Variants in CFAP61 observed in about 807,000 individuals in gnomAD.
The protein encoded by CFAP61 is cilia and flagella associated protein 61.
CFAP61 carries 107 observed loss-of-function variants against 135.6 expected under a neutral mutation model. That is an observed-to-expected ratio of 0.79 (90% CI 0.67 to 0.93). The LOEUF (loss-of-function observed/expected upper bound fraction) is 0.93, where lower values mean the gene tolerates loss of function less well. CFAP61 is among the 40% of genes least tolerant of loss of function. CFAP61 has a pLI of 0.00. For synonymous variants in CFAP61, 575 were observed against 578.5 expected, an observed-to-expected ratio of 0.99 and a Z score of 0.09; for missense variants, 1,507 against 1,556.2, an observed-to-expected ratio of 0.97 and a Z score of 0.53.
Position 20,200,032 on chromosome 20 carries a change from A to G in CFAP61, c.1932+130A>G, listed in dbSNP as rs910214656. On this transcript the variant is annotated intron_variant, in intron 17 of 26. Coordinates refer to ENST00000245957, the MANE Select transcript of CFAP61 (RefSeq NM_015585.4). ...CAGGGAACCTGGTGCTCATACCCTT[A>G]CAGGCGGAGCCCCGCGAAGGCTCCC... 21 of 1,104,396 alleles carry G rather than the reference A, an allele frequency of 1.9e-5. No individual in the cohort carries two copies. In the African/African-American group the frequency reaches 3.3e-4, roughly 17 times the overall value. The allele number at this position is 1,104,396 out of a possible 1,614,324, so 68.4% of individuals were successfully genotyped here. A position where few individuals can be genotyped will look rare whatever the true frequency, so the allele number is the denominator to read the frequency against.
intron 6 of CFAP61, 102 bp from the exon 7 acceptor site, chr20:20,090,742 C>A: frequency 2.7e-5 from 27 of 1,015,298 alleles, no homozygotes; most frequent in Non-Finnish European, 3.7e-5. Flanking sequence ...GAGTGTTGCT[C>A]TAGCCCCGGC....
At chr20:20,112,428 T>C (rs554339374) in intron 8 of CFAP61, among the ~76,000 whole-genome samples, 14 of 152,306 alleles carry the variant, frequency 9.2e-5, no homozygotes, top group African/African-American at 3.1e-4. Flanking sequence ...TTTCAACATA[T>C]CTAATTTTAT....
chr20:20,355,356 T>A (rs1200392517), intron 26 of CFAP61, among the ~76,000 whole-genome samples: 1 of 67,640 alleles, frequency 1.5e-5, no homozygotes, highest in African/African-American at 6.3e-5. Context: ...TGAGGGGAGG[T>A]GGTCACACTG....
Position 20,342,739 on chromosome 20 carries a change from C to T in CFAP61, c.3513+818C>T, listed in dbSNP as rs1235446997. On this transcript the variant is annotated intron_variant, in intron 26 of 26. Transcript: ENST00000245957. ...GGGAGCGCGCACCCTGTTCCCAGTG[C>T]GTGCCCCACTTAATCACAGCTCTTG... Among the ~76,000 whole-genome samples, 5 of 152,230 alleles carry T rather than the reference C, an allele frequency of 3.3e-5. No individual in the cohort carries two copies. In the East Asian group the frequency reaches 7.7e-4, roughly 23 times the overall value.
chr20:20,221,302 C>G (rs1022807979), intron 17 of CFAP61: 1 of 152,156 alleles, frequency 6.6e-6, no homozygotes, highest in Non-Finnish European at 1.5e-5. Context: ...CTCAGAGAAG[C>G]CAACAGTGGA....
chr20:20,256,996 GATAA>G (rs1024042051), intron 20 of CFAP61, among the ~76,000 whole-genome samples: 3 of 152,116 alleles, frequency 2.0e-5, no homozygotes, highest in African/African-American at 7.2e-5. Flanking sequence ...CATTGAGGAT[GATAA>G]ATAGTTTCTC....
In CFAP61 at chr20:20,263,098, T is replaced by C. The variant is rs1457471420; in HGVS notation, c.2471T>C (p.Ile824Thr). 1 of 1,614,054 alleles carries C rather than the reference T, an allele frequency of 6.2e-7. No homozygotes were observed. Among genetic ancestry groups the C allele is most frequent in the South Asian group, 1.1e-5 (1 of 91,064 alleles). Residue 824 changes from isoleucine to threonine, a missense_variant, in exon 21 of 27, where the codon ATT becomes ACT. Ile to Thr is a moderately conservative substitution (Grantham distance 89, BLOSUM62 -1). Coordinates refer to ENST00000245957, the MANE Select transcript of CFAP61 (RefSeq NM_015585.4). ...GAAGAGGATTGCTTTAAGGCACTGA[T>C]TTGGATAAGGAATAACTCCATCACC... ...NEEEDCFKAL[I>T]WIRNNSITTE...
intron 4 of CFAP61, among the ~76,000 whole-genome samples, chr20:20,074,809 G>T (rs2045944162): frequency 6.6e-6 from 1 of 152,178 alleles, no homozygotes; most frequent in Non-Finnish European, 1.5e-5. Context: ...GTCTCTGACA[G>T]CCTCTGACAG....
chr20:20,184,168 C>T (rs985984917), intron 13 of CFAP61, among the ~76,000 whole-genome samples: 9 of 152,190 alleles, frequency 5.9e-5, no homozygotes, highest in African/African-American at 1.9e-4. Flanking sequence ...AAGATGTCCA[C>T]TTATTCTCAC....
At chr20:20,172,340 G>T in intron 13 of CFAP61, 1 of 903,384 alleles carries the variant, frequency 1.1e-6, no homozygotes, top group Non-Finnish European at 1.3e-6. Flanking sequence ...TTTTTGAGAC[G>T]GCATCTCACT....
chr20:20,196,839 A>T (rs759719167), intron 16 of CFAP61, 63 bp downstream of exon 16: 18 of 1,364,850 alleles, frequency 1.3e-5, no homozygotes, highest in Non-Finnish European at 1.8e-5. Context: ...TTGGTGTTGT[A>T]CGCCGCATTC....
At chr20:20,299,691 G>C (rs962363115) in intron 25 of CFAP61, among the ~76,000 whole-genome samples, 1 of 152,198 alleles carries the variant, frequency 6.6e-6, no homozygotes, top group African/African-American at 2.4e-5. Flanking sequence ...CGGTGTTTGT[G>C]AGAACCATCC....
At chr20:20,079,547 A>G (rs2046290032) in intron 6 of CFAP61, among the ~76,000 whole-genome samples, 4 of 152,214 alleles carry the variant, frequency 2.6e-5, no homozygotes, top group Admixed American at 2.6e-4. Flanking sequence ...AACATTATGC[A>G]AACAGTGTAA....
At chr20:20,165,260 A>G (rs1446030001) in intron 11 of CFAP61, among the ~76,000 whole-genome samples, 3 of 152,168 alleles carry the variant, frequency 2.0e-5, no homozygotes, top group Non-Finnish European at 4.4e-5. Flanking sequence ...ATGAGGCCTG[A>G]CAGGACTGTG....
chr20:20,153,527 A>C (rs1282308108), intron 9 of CFAP61, among the ~76,000 whole-genome samples: 2 of 152,110 alleles, frequency 1.3e-5, no homozygotes, highest in Admixed American at 6.6e-5. Context: ...TAGAAATGAA[A>C]TTTCTAATTG....
intron 25 of CFAP61, among the ~76,000 whole-genome samples, chr20:20,334,582 G>A (rs371651140): frequency 6.6e-6 from 1 of 152,180 alleles, no homozygotes; most frequent in African/African-American, 2.4e-5. Context: ...ATTGTAAGCC[G>A]TTTTTCTGCA....
At chr20:20,117,053 C>T (rs972885884) in intron 8 of CFAP61, among the ~76,000 whole-genome samples, 3 of 152,090 alleles carry the variant, frequency 2.0e-5, no homozygotes, top group African/African-American at 7.2e-5. Context: ...TTGATGCCTT[C>T]GTCAAAAATA....
At chr20:20,071,092 A>G in intron 3 of CFAP61, 88 bp downstream of exon 3, 1 of 1,348,360 alleles carries the variant, frequency 7.4e-7, no homozygotes, top group Non-Finnish European at 1.0e-6. Context: ...CAAGTTTTGT[A>G]CTGAGCAGTA....
intron 15 of CFAP61, among the ~76,000 whole-genome samples, chr20:20,194,763 G>A (rs902290657): frequency 6.6e-6 from 1 of 152,220 alleles, no homozygotes; most frequent in Admixed American, 6.5e-5. Context: ...GTACCAGCCG[G>A]CAGGCAGGGA....
Sources: allele counts gnomAD v4.1 joint callset (sites outside exome capture counted in the v4.1 genomes callset), GRCh38; gene constraint gnomAD v4.1.1; transcripts MANE v1.5; gene names NCBI Gene and HGNC (gene_info 2026-07-23, HGNC 2026-07-21).